The following LHFPL3 variants were observed in gnomAD, a reference collection of about 807,000 sequenced individuals.
LHFPL3 encodes the protein LHFPL tetraspan subfamily member 3, also known as LHFPL tetraspan subfamily member 3 protein.
A neutral mutation model predicts 19.3 loss-of-function variants in LHFPL3; 5 were observed. That is an observed-to-expected ratio of 0.26 (90% CI 0.14 to 0.54). The LOEUF (loss-of-function observed/expected upper bound fraction) is 0.54, where lower values mean the gene tolerates loss of function less well. LHFPL3 is among the 20% of genes least tolerant of loss of function. The pLI is 0.94. For missense variants in LHFPL3, 249 were observed against 307.4 expected (o/e 0.81, Z 1.42); for synonymous variants, 133 against 126.2 (o/e 1.05, Z -0.36).
chr7:104,530,896 C>T (rs1794281510), intron 1 of LHFPL3, among the ~76,000 whole-genome samples: 1 of 152,168 alleles, frequency 6.6e-6, no homozygotes, highest in Non-Finnish European at 1.5e-5. Context: ...AATTTATGTA[C>T]ACGATATCGA....
chr7:104,577,469 C>T (rs117203328), intron 1 of LHFPL3, among the ~76,000 whole-genome samples: 4,546 of 152,088 alleles, frequency 0.03, 63 homozygotes, highest in Middle Eastern at 0.061. Flanking sequence ...TACACACACA[C>T]GTATATATAC....
intron 1 of LHFPL3, among the ~76,000 whole-genome samples, chr7:104,733,818 G>A (rs368068121): frequency 6.6e-6 from 1 of 152,114 alleles, no homozygotes; most frequent in Non-Finnish European, 1.5e-5. Context: ...TCCTAGCATC[G>A]ATGGGCTTTA....
intron 1 of LHFPL3, among the ~76,000 whole-genome samples, chr7:104,633,210 C>A (rs560020110): frequency 1.3e-5 from 2 of 152,252 alleles, no homozygotes; most frequent in East Asian, 3.9e-4. Context: ...GTCAGATAGC[C>A]TTTGGAAAAC....
chr7:104,682,656 C>T (rs1033197578), intron 1 of LHFPL3, among the ~76,000 whole-genome samples: 5 of 152,170 alleles, frequency 3.3e-5, no homozygotes, highest in Non-Finnish European at 7.3e-5. Flanking sequence ...GCTGGAAAAA[C>T]AAGTTTTTTG....
chr7:104,632,108 A>T (rs1244964932), intron 1 of LHFPL3, among the ~76,000 whole-genome samples: 2 of 152,176 alleles, frequency 1.3e-5, no homozygotes, highest in Admixed American at 1.3e-4. Flanking sequence ...ATCCCTGCTT[A>T]TCCCAATATT....
chr7:104,588,398 G>C (rs1215041957), intron 1 of LHFPL3, among the ~76,000 whole-genome samples: 3 of 152,128 alleles, frequency 2.0e-5, no homozygotes. Context: ...GCTTGTTTTT[G>C]TCAGGTTTGT....
At chr7:104,765,166 C>A (rs924440786) in intron 2 of LHFPL3, among the ~76,000 whole-genome samples, 3 of 152,094 alleles carry the variant, frequency 2.0e-5, no homozygotes, top group Non-Finnish European at 2.9e-5. Context: ...TTCTGATAAA[C>A]CTAAATAAAA....
intron 1 of LHFPL3, among the ~76,000 whole-genome samples, chr7:104,478,012 A>G (rs1390035337): frequency 6.6e-6 from 1 of 152,190 alleles, no homozygotes; most frequent in Non-Finnish European, 1.5e-5. Context: ...TGCTCTCTGT[A>G]TTTTGCATGG....
At chr7:104,794,538 T>A (rs779363322) in intron 2 of LHFPL3, among the ~76,000 whole-genome samples, 24 of 152,244 alleles carry the variant, frequency 1.6e-4, no homozygotes, top group Non-Finnish European at 3.5e-4. Context: ...CAGCTAGTGA[T>A]GTGTGCGATC....
At position 104,618,320 on chromosome 7, in the gene LHFPL3, T is replaced by C. The variant is rs914151998; in HGVS notation, c.446-118355T>C. Among the ~76,000 whole-genome samples the C allele has an allele frequency of 9.2e-5, 14 of 152,334 alleles. 1 individual carries two copies. Among genetic ancestry groups the C allele is most frequent in the African/African-American group, 3.1e-4 (13 of 41,576 alleles). ...AACAATCAGCCACCTTACACACTGC[T>C]TACTATATGCTCTACAACATTGACT... is the stretch of plus-strand genomic sequence containing the variant. On this transcript the variant is annotated intron_variant, in intron 1 of 2. Transcript: ENST00000424859.
chr7:104,443,071 A>T (rs1005531022), intron 1 of LHFPL3, among the ~76,000 whole-genome samples: 2 of 152,174 alleles, frequency 1.3e-5, no homozygotes, highest in Admixed American at 1.3e-4. Flanking sequence ...GACAACTGGT[A>T]ATCATGTCAG....
At chr7:104,778,409 C>T (rs1212624911) in intron 2 of LHFPL3, among the ~76,000 whole-genome samples, 2 of 152,182 alleles carry the variant, frequency 1.3e-5, no homozygotes, top group Non-Finnish European at 2.9e-5. Flanking sequence ...AGTGCAGGAA[C>T]ACACCAGCCA....
At chr7:104,353,939 A>T (rs904182757) in intron 1 of LHFPL3, among the ~76,000 whole-genome samples, 6 of 152,062 alleles carry the variant, frequency 3.9e-5, no homozygotes, top group Admixed American at 6.5e-5. Flanking sequence ...TTATATATAT[A>T]TTTTTAGTTA....
intron 1 of LHFPL3, among the ~76,000 whole-genome samples, chr7:104,619,944 A>G (rs923474550): frequency 6.6e-6 from 1 of 152,192 alleles, no homozygotes; most frequent in African/African-American, 2.4e-5. Flanking sequence ...AAGAGCTCAC[A>G]GTCTAGATCC....
chr7:104,546,297 G>A (rs1273827981), intron 1 of LHFPL3, among the ~76,000 whole-genome samples: 1 of 152,092 alleles, frequency 6.6e-6, no homozygotes, highest in Non-Finnish European at 1.5e-5. Flanking sequence ...AAATTCTAGT[G>A]GAAATACATG....
At chr7:104,472,673 T>C (rs551705789) in intron 1 of LHFPL3, among the ~76,000 whole-genome samples, 120 of 152,318 alleles carry the variant, frequency 7.9e-4, no homozygotes, top group African/African-American at 2.9e-3. Flanking sequence ...TTTCAACCAA[T>C]AATTTCTTTT....
At chr7:104,441,574 T>A (rs73179940) in intron 1 of LHFPL3, among the ~76,000 whole-genome samples, 29,829 of 135,756 alleles carry the variant, frequency 0.22, 3,138 homozygotes, top group African/African-American at 0.29. Flanking sequence ...ATCCTGATTT[T>A]TTTATTTATT....
At chr7:104,363,299 A>G (rs1434726021) in intron 1 of LHFPL3, among the ~76,000 whole-genome samples, 2 of 152,248 alleles carry the variant, frequency 1.3e-5, no homozygotes, top group Admixed American at 1.3e-4. Flanking sequence ...TCCCACTGTA[A>G]TAATCTTTGC....
At chr7:104,408,732 C>T (rs1311992004) in intron 1 of LHFPL3, among the ~76,000 whole-genome samples, 1 of 152,134 alleles carries the variant, frequency 6.6e-6, no homozygotes, top group Non-Finnish European at 1.5e-5. Flanking sequence ...CTGTCTGGAT[C>T]CTAGCAGAAG....
Sources: gnomAD v4.1 joint callset for allele counts (sites outside exome capture counted in the v4.1 genomes callset) on GRCh38, gnomAD v4.1.1 for gene constraint, MANE v1.5 for transcripts, NCBI Gene and HGNC (gene_info 2026-07-23, HGNC 2026-07-21) for gene names.